The following IFIT1 variants were observed in gnomAD, a reference collection of about 807,000 sequenced individuals.
The protein encoded by IFIT1 is antiviral innate immune response effector IFIT1.
In IFIT1, 1 loss-of-function variant was observed where a neutral mutation model predicts 2.5. The observed-to-expected ratio is 0.40, with a 90% CI of 0.14 to 1.92. IFIT1 has a LOEUF of 1.92. IFIT1 is among the 40% of genes most tolerant of loss of function. IFIT1 has a pLI of 0.31. For synonymous variants in IFIT1, 191 were observed against 201.7 expected, an observed-to-expected ratio of 0.95 and a Z score of 0.45; for missense variants, 508 against 557.8, an observed-to-expected ratio of 0.91 and a Z score of 0.90.
At position 89,403,895 on chromosome 10, in the gene IFIT1, T is replaced by C; in HGVS notation, c.*183T>C. The C allele has an allele frequency of 1.9e-6, 1 of 513,854 alleles. No individual in the cohort carries two copies. The highest frequency in any genetic ancestry group is 3.4e-5 in the South Asian group (1 of 29,668). 31.8% of individuals were successfully genotyped at this position (513,854 alleles called of 1,614,324 possible). On this transcript the variant is annotated 3_prime_UTR_variant, in exon 2 of 2. Coordinates refer to ENST00000371804, the MANE Select transcript of IFIT1 (RefSeq NM_001548.5). Reference sequence around the variant, plus strand: ...TAGTGAAACAGAATGTGTGTATGCATGTAAGAAAGAGAAATCATTTGTATG... The same window carrying C: ...TAGTGAAACAGAATGTGTGTATGCACGTAAGAAAGAGAAATCATTTGTATG...
rs1176639363 is a variant in IFIT1 at position 89,398,561 on chromosome 10, C to G, written c.6-3720C>G. 2.0e-5 allele frequency among the ~76,000 whole-genome samples: 3 copies of G among 152,164 alleles called. No homozygotes were observed. In the South Asian group the frequency reaches 6.2e-4, roughly 32 times the overall value. On this transcript the variant is annotated intron_variant, in intron 1 of 1. Coordinates refer to ENST00000371804, the MANE Select transcript of IFIT1 (RefSeq NM_001548.5). ...ACCCGGCACCCTAGTCCCTGTTAAT[C>G]ACTATTTTACTTTCTGTCTTTATGA...
rs1002437661 is a variant in IFIT1, at chr10:89,405,920, A to G, written c.*2208A>G. On this transcript the variant is annotated 3_prime_UTR_variant, in exon 2 of 2. Coordinates refer to ENST00000371804, the MANE Select transcript of IFIT1 (RefSeq NM_001548.5). ...GGGGGGGGCATTATTCTTACCACAG[A>G]GCACCCCAAGAAAATCTCCAAATTT... The G allele has an allele frequency of 5.3e-5, 8 of 152,114 alleles. No individual in the cohort carries two copies. Among genetic ancestry groups the G allele is most frequent in the Admixed American group, 3.3e-4 (5 of 15,268 alleles). 9.4% of individuals were successfully genotyped at this position (152,114 alleles called of 1,614,324 possible).
chr10:89,395,473 C>T (rs1564808076), intron 1 of IFIT1, among the ~76,000 whole-genome samples: 2 of 152,156 alleles, frequency 1.3e-5, no homozygotes, highest in East Asian at 1.9e-4. Context: ...TGTTATTTCA[C>T]ATACTATTTT....
rs1020331083 is a variant in IFIT1, at chr10:89,393,411, A to G, written c.5+694A>G. ...CGTATCTTCCTTACCTAAAGGGCCT[A>G]ATGTGGGAATTTCTCAGCTGATTTA... On this transcript the variant is annotated intron_variant, in intron 1 of 1. Coordinates refer to ENST00000371804, the MANE Select transcript of IFIT1 (RefSeq NM_001548.5). 8.0e-6 allele frequency: 6 copies of G among 746,534 alleles called. No homozygotes were observed. In the Admixed American group the frequency reaches 1.8e-4, roughly 23 times the overall value. 46.2% of individuals were successfully genotyped at this position (746,534 alleles called of 1,614,324 possible).
intron 1 of IFIT1, among the ~76,000 whole-genome samples, chr10:89,394,228 C>T (rs1288248723): frequency 1.3e-5 from 2 of 152,092 alleles, no homozygotes; most frequent in Non-Finnish European, 2.9e-5. Flanking sequence ...TTTATCTAAA[C>T]ATATTTAAAC....
At chr10:89,396,698 AC>A (rs1184001457) in intron 1 of IFIT1, among the ~76,000 whole-genome samples, 1 of 152,248 alleles carries the variant, frequency 6.6e-6, no homozygotes, top group African/African-American at 2.4e-5. Flanking sequence ...GGACAATCAA[AC>A]TGTATCCAAA....
Position 89,405,695 on chromosome 10 carries a change from C to T in IFIT1, c.*1983C>T, listed in dbSNP as rs1459437801. ...CAGTGTAGTAGCCTCAAATCTCTCTCTCTGCTTCCTTCTTCACATCTCCTT... is the reference window on the plus strand; with the variant it reads ...CAGTGTAGTAGCCTCAAATCTCTCTTTCTGCTTCCTTCTTCACATCTCCTT... On this transcript the variant is annotated 3_prime_UTR_variant, in exon 2 of 2. Transcript: ENST00000371804. The T allele has an allele frequency of 6.6e-6, 1 of 152,266 alleles. No individual in the cohort carries two copies. The highest frequency in any genetic ancestry group is 2.4e-5 in the African/African-American group (1 of 41,450). 9.4% of individuals were successfully genotyped at this position (152,266 alleles called of 1,614,324 possible).
intron 1 of IFIT1, among the ~76,000 whole-genome samples, chr10:89,400,966 T>TC (rs1844412803): frequency 6.6e-6 from 1 of 152,098 alleles, no homozygotes; most frequent in African/African-American, 2.4e-5. Flanking sequence ...GTTTTTTTTT[T>TC]CATAAAGGGT....
rs956913103 is a variant in IFIT1, at chr10:89,405,625, G to C, written c.*1913G>C. On this transcript the variant is annotated 3_prime_UTR_variant, in exon 2 of 2. Transcript: ENST00000371804. ...GGCTCTAGGCAGATAGCCTTTTCCA[G>C]CTTCCAGAGGCTGCCTGAATTCTTT... The C allele has an allele frequency of 3.9e-5, 6 of 152,188 alleles. No homozygotes were observed. Among genetic ancestry groups the C allele is most frequent in the African/African-American group, 9.7e-5 (4 of 41,426 alleles). The allele number at this position is 152,188 out of a possible 1,614,324, so 9.4% of individuals were successfully genotyped here. A position where few individuals can be genotyped will look rare whatever the true frequency, so the allele number is the denominator to read the frequency against.
At chr10:89,397,539 G>A (rs78441307) in intron 1 of IFIT1, among the ~76,000 whole-genome samples, 1 of 152,064 alleles carries the variant, frequency 6.6e-6, no homozygotes, top group East Asian at 1.9e-4. Context: ...AGAGGCTTAG[G>A]GCATCTTTTT....
At chr10:89,397,967 A>G (rs1589635783) in intron 1 of IFIT1, among the ~76,000 whole-genome samples, 1 of 152,234 alleles carries the variant, frequency 6.6e-6, no homozygotes, top group East Asian at 1.9e-4. Context: ...CAGTTCTATG[A>G]CATTAAATAC....
In IFIT1 at chr10:89,402,923, T is replaced by C. The variant is rs1564810866; in HGVS notation, c.648T>C (p.Asn216=). ...LRQAVRLNPD[N]GYIKVLLALK... is the part of the protein sequence containing the mutation. ...AGGCTGTCCGCTTAAATCCAGACAA[T>C]GGATATATTAAGGTTCTCCTTGCCC... The change falls in exon 2 of 2, where the codon AAT becomes AAC. Residue 216 remains asparagine, a synonymous_variant. Coordinates refer to ENST00000371804, the MANE Select transcript of IFIT1 (RefSeq NM_001548.5). 1 of 1,614,110 alleles carries C rather than the reference T, an allele frequency of 6.2e-7. No homozygotes were observed. Among genetic ancestry groups the C allele is most frequent in the Non-Finnish European group, 8.5e-7 (1 of 1,180,034 alleles).
chr10:89,393,471 G>A, intron 1 of IFIT1: 1 of 408,918 alleles, frequency 2.4e-6, no homozygotes. Flanking sequence ...GGGGGCTCAT[G>A]CTTGTAATCC....
rs1472991339 is a variant in IFIT1 at position 89,403,406 on chromosome 10, G to A, written c.1131G>A (p.Met377Ile). The change falls in exon 2 of 2, where the codon ATG becomes ATA. Residue 377 changes from methionine (M) to isoleucine (I), a missense_variant. By Grantham distance (10) the Met-to-Ile change is conservative. Transcript: ENST00000371804. ...TGAAACCAGTGGTAGAAGAAACAAT[G>A]CAAGACATACATTTCCACTATGGTC... ...LCMKPVVEET[M>I]QDIHFHYGRF... The A allele has an allele frequency of 2.5e-6, 4 of 1,613,862 alleles. No homozygotes were observed. Among genetic ancestry groups the A allele is most frequent in the Non-Finnish European group, 3.4e-6 (4 of 1,179,902 alleles).
intron 1 of IFIT1, among the ~76,000 whole-genome samples, chr10:89,401,539 G>A (rs1421154152): frequency 1.3e-5 from 2 of 152,118 alleles, no homozygotes; most frequent in African/African-American, 4.8e-5. Flanking sequence ...GTAATATGAG[G>A]GAGATGTGGT....
In IFIT1 at chr10:89,403,973, T is replaced by C. The variant is rs1168350527; in HGVS notation, c.*261T>C. Reference sequence around the variant, plus strand: ...AGTTAACTTTGTAGGAAATAAAACATTGGACTTACACTAAATGTTTAATTC... The same window carrying C: ...AGTTAACTTTGTAGGAAATAAAACACTGGACTTACACTAAATGTTTAATTC... On this transcript the variant is annotated 3_prime_UTR_variant, in exon 2 of 2. Transcript: ENST00000371804. The C allele has an allele frequency of 2.9e-6, 1 of 339,258 alleles. No homozygotes were observed. The highest frequency in any genetic ancestry group is 2.1e-5 in the African/African-American group (1 of 47,168). 21.0% of individuals were successfully genotyped at this position (339,258 alleles called of 1,614,324 possible).
In IFIT1 at chr10:89,392,663, A is replaced by G. The variant is rs909758610; in HGVS notation, c.-50A>G. On this transcript the variant is annotated 5_prime_UTR_variant, in exon 1 of 2. Coordinates refer to ENST00000371804, the MANE Select transcript of IFIT1 (RefSeq NM_001548.5). The stretch of plus-strand genomic sequence containing the variant: ...AGACAGAATAGCCAGATCTCAGAGG[A>G]GCCTGGCTAAGCAAAACCCTGCAGA... 5.0e-6 allele frequency: 8 copies of G among 1,606,120 alleles called. No homozygotes were observed. The highest frequency in any genetic ancestry group is 6.8e-6 in the Non-Finnish European group (8 of 1,172,798).
At position 89,403,477 on chromosome 10, in the gene IFIT1, A is replaced by G. The variant is rs1207226293; in HGVS notation, c.1202A>G (p.His401Arg). The G allele has an allele frequency of 6.2e-7, 1 of 1,612,440 alleles. No individual in the cohort carries two copies. The highest frequency in any genetic ancestry group is 8.5e-7 in the Non-Finnish European group (1 of 1,179,260). The change falls in exon 2 of 2, where the codon CAT becomes CGT. Residue 401 changes from histidine to arginine, a missense_variant. Coordinates refer to ENST00000371804, the MANE Select transcript of IFIT1 (RefSeq NM_001548.5). ...AAATCTGACGTCAATGCAATTATCCATTATTTAAAAGCTATAAAAATAGAA... is the reference window on the plus strand; with the variant it reads ...AAATCTGACGTCAATGCAATTATCCGTTATTTAAAAGCTATAAAAATAGAA... ...QKKSDVNAII[H>R]YLKAIKIEQA...
In IFIT1 at chr10:89,393,245, C is replaced by T; in HGVS notation, c.5+528C>T. On this transcript the variant is annotated intron_variant, in intron 1 of 1. Coordinates refer to ENST00000371804, the MANE Select transcript of IFIT1 (RefSeq NM_001548.5). ...GCCTTCCTCCATAGGCTTCTGGTCT[C>T]ACTTTCTGCACTGCTGGCCTCTTAC... 3.1e-6 allele frequency: 4 copies of T among 1,289,886 alleles called. No homozygotes were observed. The South Asian group carries it at 3.7e-5, about 12-fold the overall frequency. The allele number at this position is 1,289,886 out of a possible 1,614,324, so 79.9% of individuals were successfully genotyped here. A position where few individuals can be genotyped will look rare whatever the true frequency, so the allele number is the denominator to read the frequency against.
Sources: allele counts gnomAD v4.1 joint callset (sites outside exome capture counted in the v4.1 genomes callset), GRCh38; gene constraint gnomAD v4.1.1; transcripts MANE v1.5; gene names NCBI Gene and HGNC (gene_info 2026-07-23, HGNC 2026-07-21).